The following FSD1 variants were observed in gnomAD, a reference collection of about 807,000 sequenced individuals.
FSD1 encodes the protein fibronectin type III and SPRY domain containing 1, also known as fibronectin type III and SPRY domain-containing protein 1.
Under a neutral mutation model 58.2 loss-of-function variants are expected in FSD1, and 23 were observed. The ratio of observed to expected loss-of-function variants is 0.40; its 90% CI spans 0.28 to 0.56. The LOEUF (loss-of-function observed/expected upper bound fraction) is 0.56, where lower values mean the gene tolerates loss of function less well. Among genes scored for constraint, FSD1 ranks in the 20% least tolerant of loss-of-function variants. FSD1 has a pLI of 0.54. For missense variants in FSD1, 563 were observed against 670.8 expected (o/e 0.84, Z 1.78); for synonymous variants, 265 against 263.4 (o/e 1.01, Z -0.06).
At chr19:4,314,964 G>A (rs1157335936) in intron 7 of FSD1, among the ~76,000 whole-genome samples, 1 of 152,190 alleles carries the variant, frequency 6.6e-6, no homozygotes, top group Non-Finnish European at 1.5e-5. Flanking sequence ...CCTAGTGAGT[G>A]AATTCCTCAG....
At chr19:4,322,031 T>C (rs534842756) in intron 10 of FSD1, among the ~76,000 whole-genome samples, 1 of 135,832 alleles carries the variant, frequency 7.4e-6, no homozygotes, top group Non-Finnish European at 1.5e-5. Flanking sequence ...CTGGGAGAAT[T>C]ACCTGGGGCC....
chr19:4,314,504 T>TC (rs142639231), intron 7 of FSD1, among the ~76,000 whole-genome samples: 15,936 of 148,518 alleles, frequency 0.11, 1,104 homozygotes, highest in South Asian at 0.2. Context: ...TTTTTTTTTT[T>TC]GAGATGGAGT....
intron 10 of FSD1, 66 bp downstream of exon 10, chr19:4,319,017 GGAGAACCTTTGCCTTTGGCTGC>G (rs1355926149): frequency 3.8e-6 from 5 of 1,299,500 alleles, no homozygotes; most frequent in Non-Finnish European, 5.5e-6. Context: ...GGGGGTTGAG[GGAGAACCTTTGCCTTTGGCTGC>G]GGAAACAGGC....
At chr19:4,306,159 G>A (rs374860428) in intron 2 of FSD1, 39 bp from the exon 3 acceptor site, 36 of 1,613,650 alleles carry the variant, frequency 2.2e-5, no homozygotes, top group Non-Finnish European at 2.9e-5. Flanking sequence ...TTCCCTCTCT[G>A]AACACGGGCT....
In FSD1 at chr19:4,304,734, C is replaced by G. The variant is rs1479140013; in HGVS notation, c.-13C>G. The G allele has an allele frequency of 4.3e-6, 4 of 932,570 alleles. No individual in the cohort carries two copies. Among genetic ancestry groups the G allele is most frequent in the African/African-American group, 3.9e-5 (2 of 51,618 alleles). The allele number at this position is 932,570 out of a possible 1,614,324, so 57.8% of individuals were successfully genotyped here. The stretch of plus-strand genomic sequence containing the variant: ...GGCCCGCGGGCCGGGCCGGGGTGAC[C>G]TGGGCTGCAGCCATGGAAGAACAGA... On this transcript the variant is annotated 5_prime_UTR_variant, in exon 1 of 13. Transcript: ENST00000221856.
intron 6 of FSD1, 48 bp downstream of exon 6, chr19:4,310,644 GGGA>G: frequency 3.2e-6 from 5 of 1,584,996 alleles, no homozygotes; most frequent in Non-Finnish European, 4.3e-6. Context: ...GGAATGACCT[GGGA>G]GGCTAGGAGG....
chr19:4,309,010 G>A (rs1034958997), intron 4 of FSD1, among the ~76,000 whole-genome samples: 3 of 152,220 alleles, frequency 2.0e-5, no homozygotes, highest in Non-Finnish European at 4.4e-5. Context: ...GGGAGGCAGA[G>A]CTTGCAGTGA....
At chr19:4,313,214 A>T (rs146704709) in intron 7 of FSD1, among the ~76,000 whole-genome samples, 150 of 151,768 alleles carry the variant, frequency 9.9e-4, no homozygotes, top group Non-Finnish European at 1.2e-3. Flanking sequence ...TTACCTGAGC[A>T]TGGTGGTCCC....
At chr19:4,305,561 T>G (rs1229834823) in intron 1 of FSD1, among the ~76,000 whole-genome samples, 1 of 152,222 alleles carries the variant, frequency 6.6e-6, no homozygotes, top group Non-Finnish European at 1.5e-5. Flanking sequence ...CCAGGGTCTG[T>G]CCCTTCCTGA....
In FSD1 at chr19:4,317,290, T is replaced by C; in HGVS notation, c.799+10T>C. 1 of 1,531,864 alleles carries C rather than the reference T, an allele frequency of 6.5e-7. No individual in the cohort carries two copies. The highest frequency in any genetic ancestry group is 9.0e-7 in the Non-Finnish European group (1 of 1,105,326). The allele number at this position is 1,531,864 out of a possible 1,614,324, so 94.9% of individuals were successfully genotyped here. A position where few individuals can be genotyped will look rare whatever the true frequency, so the allele number is the denominator to read the frequency against. On this transcript the variant is annotated intron_variant, in intron 8 of 12. Coordinates refer to ENST00000221856, the MANE Select transcript of FSD1 (RefSeq NM_024333.3). ...ACTCTGGAGACACCAGGTGACTGGA[T>C]TCCACCCTTGTCCTACCCCTAACTC...
In FSD1 at chr19:4,304,636, G is replaced by T; in HGVS notation, c.-111G>T. On this transcript the variant is annotated 5_prime_UTR_variant, in exon 1 of 13. Transcript: ENST00000221856. Reference sequence around the variant, plus strand: ...TGATGGAGCGCTAACCGGGGGCGCGGCGGCGGCGAGGGCTCGGCGGGCCAT... The same window carrying T: ...TGATGGAGCGCTAACCGGGGGCGCGTCGGCGGCGAGGGCTCGGCGGGCCAT... The T allele has an allele frequency of 1.7e-6, 1 of 590,834 alleles. No homozygotes were observed. The highest frequency in any genetic ancestry group is 2.5e-6 in the Non-Finnish European group (1 of 405,720). The allele number at this position is 590,834 out of a possible 1,614,324, so 36.6% of individuals were successfully genotyped here.
At chr19:4,305,900 A>C in intron 1 of FSD1, 46 bp from the exon 2 acceptor site, 2 of 1,411,806 alleles carry the variant, frequency 1.4e-6, no homozygotes, top group South Asian at 2.3e-5. Context: ...CTGTGTGCGC[A>C]CATGTGTGTG....
chr19:4,307,117 C>T (rs1971631315), intron 3 of FSD1, among the ~76,000 whole-genome samples: 2 of 152,030 alleles, frequency 1.3e-5, no homozygotes, highest in Non-Finnish European at 2.9e-5. Flanking sequence ...TCCAGTGGCG[C>T]AATCATGCCT....
chr19:4,314,014 G>A (rs1030247347), intron 7 of FSD1, among the ~76,000 whole-genome samples: 5 of 151,582 alleles, frequency 3.3e-5, no homozygotes, highest in African/African-American at 1.2e-4. Flanking sequence ...GGCAACAGAG[G>A]GAGACTCCGT....
intron 3 of FSD1, 151 bp from the exon 4 acceptor site, chr19:4,307,731 T>G: frequency 8.2e-5 from 46 of 563,458 alleles, no homozygotes; most frequent in East Asian, 1.6e-4. Context: ...CCCAGCCCCA[T>G]TTGGTGGGGC....
chr19:4,323,097 T>C lies in FSD1; in HGVS notation c.1151T>C (p.Leu384Pro). Reference protein sequence around the residue: ...AYRSLGRFEQLGKTAASWCLH... With the variant: ...AYRSLGRFEQPGKTAASWCLH... ...CGCAGCCTGGGCCGCTTCGAGCAAC[T>C]GGGCAAGACGGCCGCCTCCTGGTGC... The change falls in exon 11 of 13, where the codon CTG becomes CCG. Residue 384 changes from leucine (L) to proline (P), a missense_variant. By Grantham distance (98) the Leu-to-Pro change is moderately conservative. Transcript: ENST00000221856. This position sits in a 1 kb window ranked among gnomAD's most constrained non-coding sequence, Gnocchi z 7.7. The C allele has an allele frequency of 1.2e-6, 2 of 1,609,388 alleles. No individual in the cohort carries two copies. The highest frequency in any genetic ancestry group is 8.5e-7 in the Non-Finnish European group (1 of 1,179,734).
intron 6 of FSD1, chr19:4,311,323 A>C (rs897136753): frequency 6.3e-6 from 1 of 158,986 alleles, no homozygotes; most frequent in Non-Finnish European, 1.4e-5. Context: ...TTTTGGAATA[A>C]TTCTGCCTGT....
intron 6 of FSD1, 73 bp downstream of exon 6, chr19:4,310,669 G>C (rs1023405501): frequency 7.8e-6 from 12 of 1,538,278 alleles, no homozygotes; most frequent in Middle Eastern, 2.0e-4. Flanking sequence ...CCTGAAACAG[G>C]ACCTGGAGTA....
chr19:4,320,192 C>A (rs1390706286), intron 10 of FSD1, among the ~76,000 whole-genome samples: 3 of 151,984 alleles, frequency 2.0e-5, no homozygotes, highest in South Asian at 2.1e-4. Context: ...CCTGGGAGAA[C>A]CTGCCTTCCA....
Sources: allele counts gnomAD v4.1 joint callset (sites outside exome capture counted in the v4.1 genomes callset), GRCh38; gene constraint gnomAD v4.1.1; non-coding constraint Gnocchi (gnomAD v3.1); transcripts MANE v1.5; gene names NCBI Gene and HGNC (gene_info 2026-07-23, HGNC 2026-07-21).